CAND1: variants seen among roughly 807,000 people sequenced by gnomAD.
CAND1 encodes cullin-associated NEDD8-dissociated protein 1.
A neutral mutation model predicts 108.5 loss-of-function variants in CAND1; 7 were observed. That is an observed-to-expected ratio of 0.06 (90% confidence interval 0.04 to 0.12). The LOEUF (loss-of-function observed/expected upper bound fraction) is 0.12, where lower values mean the gene tolerates loss of function less well. Ranked by LOEUF, CAND1 falls within the 10% of genes least tolerant of loss-of-function variation. The pLI, the probability that CAND1 is intolerant of heterozygous loss-of-function variation, is 1.00. For synonymous variants in CAND1, 534 were observed against 512.0 expected (o/e 1.04, Z -0.58); for missense variants, 941 against 1,448.7 (o/e 0.65, Z 5.69).
rs973234421 is a variant in CAND1 at position 67,316,312 on chromosome 12, T to A, written c.*3482T>A. On this transcript the variant is annotated 3_prime_UTR_variant, in exon 15 of 15. Transcript: ENST00000545606. ...AAAAGTGGAACACAGTGGAAGTATT[T>A]GGCTACAGGCTACCCAAATCTCATC... 1.3e-5 allele frequency: 2 copies of A among 152,236 alleles called. No individual in the cohort carries two copies. The highest frequency in any genetic ancestry group is 2.9e-5 in the Non-Finnish European group (2 of 68,040). 9.4% of individuals were successfully genotyped at this position (152,236 alleles called of 1,614,324 possible).
At chr12:67,303,541 CA>C (rs2044846856) in intron 8 of CAND1, among the ~76,000 whole-genome samples, 1 of 152,116 alleles carries the variant, frequency 6.6e-6, no homozygotes, top group East Asian at 1.9e-4. Flanking sequence ...GAAAGTCAGA[CA>C]TTTTTTTTGT....
In CAND1 at chr12:67,278,621, C is replaced by T. The variant is rs757169088; in HGVS notation, c.69-3289C>T. 4.6e-5 allele frequency among the ~76,000 whole-genome samples: 7 copies of T among 152,266 alleles called. 1 individual carries two copies. The highest frequency in any genetic ancestry group is 2.6e-4 in the Admixed American group (4 of 15,288). On this transcript the variant is annotated intron_variant, in intron 1 of 14. Transcript: ENST00000545606. Reference sequence around the variant, plus strand: ...GCAACCTCTGTGTCCCAGGTTCAAGCGATTCTCCTGCCTTAGCCTCCCAAG... The same window carrying T: ...GCAACCTCTGTGTCCCAGGTTCAAGTGATTCTCCTGCCTTAGCCTCCCAAG...
At position 67,281,899 on chromosome 12, in the gene CAND1, T is replaced by C; in HGVS notation, c.69-11T>C. The C allele has an allele frequency of 6.4e-7, 1 of 1,554,882 alleles. No individual in the cohort carries two copies. Among genetic ancestry groups the C allele is most frequent in the Non-Finnish European group, 8.6e-7 (1 of 1,157,010 alleles). On this transcript the variant is annotated splice_polypyrimidine_tract_variant and intron_variant, in intron 1 of 14. Coordinates refer to ENST00000545606, the MANE Select transcript of CAND1 (RefSeq NM_018448.5). ...AAATTTTCAAATTAACAAATTTTAT[T>C]TTTTTGATAGGTTTATGGCTACAAA...
chr12:67,309,943 G>A lies in CAND1; in HGVS notation c.3068G>A (p.Arg1023Lys). The change falls in exon 12 of 15, where the codon AGA becomes AAA. Residue 1023 changes from arginine (R) to lysine (K), a missense_variant. This residue lies in a region of CAND1 where 106 missense variants were observed against 182.0 expected (regional missense o/e 0.58). Coordinates refer to ENST00000545606, the MANE Select transcript of CAND1 (RefSeq NM_018448.5). ...KTLEDPDLNV[R>K]RVALVTFNSA... The stretch of plus-strand genomic sequence containing the variant: ...TTGGAAGACCCAGATTTGAATGTGA[G>A]AAGAGTAGCCTTGGTCACATTTAAT... 1.9e-6 allele frequency: 3 copies of A among 1,610,958 alleles called. No homozygotes were observed. The highest frequency in any genetic ancestry group is 2.5e-6 in the Non-Finnish European group (3 of 1,178,434).
At chr12:67,289,528 A>G (rs1161703547) in intron 2 of CAND1, among the ~76,000 whole-genome samples, 1 of 152,196 alleles carries the variant, frequency 6.6e-6, no homozygotes, top group East Asian at 1.9e-4. Context: ...CTGGGACCAC[A>G]GGTGCATGCC....
intron 1 of CAND1, among the ~76,000 whole-genome samples, chr12:67,271,903 T>C (rs1238991798): frequency 2.0e-5 from 3 of 152,248 alleles, no homozygotes; most frequent in Admixed American, 6.5e-5. Flanking sequence ...CTAAAGCACT[T>C]TATATGTTTA....
chr12:67,287,171 T>A (rs866521073), intron 2 of CAND1, among the ~76,000 whole-genome samples: 1 of 152,298 alleles, frequency 6.6e-6, no homozygotes, highest in Middle Eastern at 3.4e-3. Flanking sequence ...GCCAATAGCA[T>A]TCCCACCTCT....
In CAND1 at chr12:67,304,712, G is replaced by C; in HGVS notation, c.1401G>C (p.Gly467=). ...CTGAGCTGGTAAATGTATTACCTGG[G>C]GCCCTAACTCAACACATTCCTGTAC... ...MLTELVNVLP[G]ALTQHIPVLV... Residue 467 remains glycine (G), a synonymous_variant, in exon 9 of 15, where the codon GGG becomes GGC. Coordinates refer to ENST00000545606, the MANE Select transcript of CAND1 (RefSeq NM_018448.5). The C allele has an allele frequency of 6.2e-7, 1 of 1,613,818 alleles. No homozygotes were observed. Among genetic ancestry groups the C allele is most frequent in the Non-Finnish European group, 8.5e-7 (1 of 1,179,882 alleles).
rs550917167 is a variant in CAND1, at chr12:67,314,873, C to G, written c.*2043C>G. The stretch of plus-strand genomic sequence containing the variant: ...ATACCTGTTTATATGCATACATTAA[C>G]AAAATTAGTAACAGCAGTGCTTAGA... On this transcript the variant is annotated 3_prime_UTR_variant, in exon 15 of 15. Coordinates refer to ENST00000545606, the MANE Select transcript of CAND1 (RefSeq NM_018448.5). 1 of 152,188 alleles carries G rather than the reference C, an allele frequency of 6.6e-6. No individual in the cohort carries two copies. Among genetic ancestry groups the G allele is most frequent in the East Asian group, 1.9e-4 (1 of 5,180 alleles). The allele number at this position is 152,188 out of a possible 1,614,324, so 9.4% of individuals were successfully genotyped here.
At chr12:67,281,262 G>A (rs1250226331) in intron 1 of CAND1, among the ~76,000 whole-genome samples, 2 of 151,770 alleles carry the variant, frequency 1.3e-5, no homozygotes, top group African/African-American at 2.4e-5. Context: ...CCTGGGAGGC[G>A]GAGGTTGCGG....
At position 67,319,499 on chromosome 12, in the gene CAND1, A is replaced by G. The variant is rs530936769; in HGVS notation, c.*6669A>G. On this transcript the variant is annotated 3_prime_UTR_variant, in exon 15 of 15. Coordinates refer to ENST00000545606, the MANE Select transcript of CAND1 (RefSeq NM_018448.5). ...GGGCATAATCCAAGGGCCAACTCCC[A>G]TGTTTGGAACCTGACTCCATTTTCA... 1.2e-4 allele frequency: 18 copies of G among 152,208 alleles called. No individual in the cohort carries two copies. The highest frequency in any genetic ancestry group is 4.1e-4 in the African/African-American group (17 of 41,520). The allele number at this position is 152,208 out of a possible 1,614,324, so 9.4% of individuals were successfully genotyped here. A position where few individuals can be genotyped will look rare whatever the true frequency, so the allele number is the denominator to read the frequency against.
chr12:67,319,713 C>A lies in CAND1; in HGVS notation c.*6883C>A, dbSNP rs1266535405. 1 of 152,202 alleles carries A rather than the reference C, an allele frequency of 6.6e-6. No homozygotes were observed. The allele number at this position is 152,202 out of a possible 1,614,324, so 9.4% of individuals were successfully genotyped here. ...AATACTGCCAACGTAGTTCCAGTTT[C>A]TGTATCTAAAGACTCAGCTTGGAGT... On this transcript the variant is annotated 3_prime_UTR_variant, in exon 15 of 15. Transcript: ENST00000545606.
At chr12:67,303,664 T>C (rs934529662) in intron 8 of CAND1, among the ~76,000 whole-genome samples, 1 of 152,188 alleles carries the variant, frequency 6.6e-6, no homozygotes, top group African/African-American at 2.4e-5. Context: ...GCTGTTGAGG[T>C]ATTCTAGAAG....
chr12:67,269,817 CGG>C lies in CAND1; in HGVS notation c.68+35_68+36del, dbSNP rs1317268700. 2.5e-6 allele frequency: 4 copies of C among 1,574,988 alleles called. No homozygotes were observed. The African/African-American group carries it at 5.5e-5, about 22-fold the overall frequency. ...CCGAGATCCGACCCTCACCCCACCTCGGGGTTCTCGCAGCCGCGGCCCTGGCC... is the reference window on the plus strand; with the variant it reads ...CCGAGATCCGACCCTCACCCCACCTCGGTTCTCGCAGCCGCGGCCCTGGCC... On this transcript the variant is annotated intron_variant, in intron 1 of 14. Transcript: ENST00000545606.
At chr12:67,275,169 A>G (rs2044557079) in intron 1 of CAND1, among the ~76,000 whole-genome samples, 1 of 152,070 alleles carries the variant, frequency 6.6e-6, no homozygotes, top group Non-Finnish European at 1.5e-5. Context: ...AAGGGACCTC[A>G]CAGAGAAAAC....
chr12:67,288,778 T>A (rs1394295405), intron 2 of CAND1, among the ~76,000 whole-genome samples: 1 of 152,200 alleles, frequency 6.6e-6, no homozygotes, highest in Non-Finnish European at 1.5e-5. Context: ...TCACTACAGT[T>A]GGGCTATGTA....
intron 4 of CAND1, chr12:67,297,200 G>T (rs2044777908): frequency 3.1e-6 from 2 of 640,220 alleles, no homozygotes; most frequent in Admixed American, 5.0e-5. Flanking sequence ...GTTTGGCAAT[G>T]TAAATTTCAG....
chr12:67,310,851 T>C (rs572009390), intron 13 of CAND1: 3 of 152,272 alleles, frequency 2.0e-5, no homozygotes, highest in Non-Finnish European at 4.4e-5. Context: ...TTTTCAGATA[T>C]ACAAAACAAT....
At position 67,305,014 on chromosome 12, in the gene CAND1, G is replaced by A; in HGVS notation, c.1436-90G>A. ...TTATAGAAATAATATAATGAAGTGG[G>A]AACATTAGCAGTACTATAGGGGTTG... On this transcript the variant is annotated intron_variant, in intron 9 of 14. Transcript: ENST00000545606. The surrounding 1 kb of genome is among the most constrained non-coding windows in gnomAD (Gnocchi z 4.4). 8.5e-6 allele frequency: 9 copies of A among 1,058,544 alleles called. No homozygotes were observed. Among genetic ancestry groups the A allele is most frequent in the Non-Finnish European group, 1.1e-5 (8 of 737,268 alleles). The allele number at this position is 1,058,544 out of a possible 1,614,324, so 65.6% of individuals were successfully genotyped here. A position where few individuals can be genotyped will look rare whatever the true frequency, so the allele number is the denominator to read the frequency against.
Sources: allele counts gnomAD v4.1 joint callset (sites outside exome capture counted in the v4.1 genomes callset), GRCh38; gene constraint gnomAD v4.1.1; regional missense constraint gnomAD v4.1.1; non-coding constraint Gnocchi (gnomAD v3.1); transcripts MANE v1.5; gene names NCBI Gene and HGNC (gene_info 2026-07-23, HGNC 2026-07-21).